Variants in TDP1 observed in about 807,000 individuals in gnomAD.
TDP1 encodes tyr-DNA phosphodiesterase 1.
TDP1 carries 64 observed loss-of-function variants against 81.5 expected under a neutral mutation model. That is an observed-to-expected ratio of 0.79 (90% CI 0.64 to 0.97). The LOEUF (loss-of-function observed/expected upper bound fraction) is 0.97, where lower values mean the gene tolerates loss of function less well. Among genes scored for constraint, TDP1 ranks in the 50% least tolerant of loss-of-function variants. The pLI is 0.00. For missense variants in TDP1, 723 were observed against 743.8 expected (o/e 0.97, Z 0.33); for synonymous variants, 256 against 264.3 (o/e 0.97, Z 0.30).
rs746699387 is a variant in TDP1, at chr14:90,012,836, A to AG, written c.1542-6474dup. Among the ~76,000 whole-genome samples, 12 of 152,128 alleles carry AG rather than the reference A, an allele frequency of 7.9e-5. No individual in the cohort carries two copies. The East Asian group carries it at 2.3e-3, about 30-fold the overall frequency. On this transcript the variant is annotated intron_variant, in intron 14 of 16. Transcript: ENST00000335725. ...TGCCGGCCCCTGAAAGCAGCCAAGAAGGGGGGCTATGCCCTGCAAAGCTAC... is the reference window on the plus strand; with the variant it reads ...TGCCGGCCCCTGAAAGCAGCCAAGAAGGGGGGGCTATGCCCTGCAAAGCTAC...
chr14:90,040,303 G>T (rs746345271), intron 16 of TDP1, among the ~76,000 whole-genome samples: 12 of 152,170 alleles, frequency 7.9e-5, no homozygotes, highest in Middle Eastern at 3.4e-3. Flanking sequence ...TCCCATCCCC[G>T]TAGCCTTGAA....
chr14:90,017,878 G>A (rs576244701), intron 14 of TDP1, among the ~76,000 whole-genome samples: 18 of 152,270 alleles, frequency 1.2e-4, no homozygotes, highest in Non-Finnish European at 4.4e-5. Flanking sequence ...TCTCAACGAC[G>A]TTATAGACAG....
At chr14:89,960,553 A>G (rs906115711) in intron 2 of TDP1, among the ~76,000 whole-genome samples, 1 of 152,252 alleles carries the variant, frequency 6.6e-6, no homozygotes, top group East Asian at 1.9e-4. Flanking sequence ...AGAAACTTTT[A>G]GAAAGCAGAT....
chr14:89,971,164 T>C lies in TDP1; in HGVS notation c.660-11T>C. On this transcript the variant is annotated splice_polypyrimidine_tract_variant and intron_variant, in intron 5 of 16. Coordinates refer to ENST00000335725, the MANE Select transcript of TDP1 (RefSeq NM_018319.4). ...AATGATGTATATTAAATACTAATGC[T>C]CTCTTTTTAGGAAGAAGCCAATCCT... is the stretch of plus-strand genomic sequence containing the variant. 1 of 1,610,724 alleles carries C rather than the reference T, an allele frequency of 6.2e-7. No homozygotes were observed.
intron 3 of TDP1, among the ~76,000 whole-genome samples, chr14:89,965,407 T>C (rs1377021296): frequency 6.6e-6 from 1 of 152,000 alleles, no homozygotes; most frequent in Non-Finnish European, 1.5e-5. Context: ...CGATATAAAA[T>C]AGAAATAACA....
At chr14:89,982,291 T>C (rs1223653013) in intron 8 of TDP1, among the ~76,000 whole-genome samples, 2 of 152,216 alleles carry the variant, frequency 1.3e-5, no homozygotes, top group East Asian at 1.9e-4. Flanking sequence ...GGATAGCTGC[T>C]TGGTCTCTAA....
At chr14:89,988,530 T>C in intron 10 of TDP1, 4 of 922,842 alleles carry the variant, frequency 4.3e-6, no homozygotes, top group Non-Finnish European at 5.2e-6. Flanking sequence ...AATACATATT[T>C]CATAGCATCA....
At chr14:89,961,762 G>T (rs1892353256) in intron 2 of TDP1, among the ~76,000 whole-genome samples, 1 of 152,146 alleles carries the variant, frequency 6.6e-6, no homozygotes, top group African/African-American at 2.4e-5. Flanking sequence ...ATCTTTTGAT[G>T]TAGAATAATG....
At chr14:90,009,227 G>A (rs1248268035) in intron 14 of TDP1, among the ~76,000 whole-genome samples, 2 of 152,270 alleles carry the variant, frequency 1.3e-5, no homozygotes, top group East Asian at 3.9e-4. Flanking sequence ...AGATTTTGTT[G>A]CTGCTGGTCT....
At chr14:90,015,463 G>A (rs1020947135) in intron 14 of TDP1, among the ~76,000 whole-genome samples, 20 of 152,206 alleles carry the variant, frequency 1.3e-4, no homozygotes, top group African/African-American at 4.6e-4. Context: ...CTCCTTGTAG[G>A]CAAGGGGACA....
chr14:89,966,086 T>A (rs1892910802), intron 3 of TDP1, 61 bp from the exon 4 acceptor site: 1 of 1,160,286 alleles, frequency 8.6e-7, no homozygotes. Context: ...GAGTTAGTAG[T>A]GATTATTATG....
At chr14:90,002,742 G>A (rs1897289814) in intron 14 of TDP1, among the ~76,000 whole-genome samples, 2 of 151,016 alleles carry the variant, frequency 1.3e-5, no homozygotes, top group Admixed American at 1.3e-4. Flanking sequence ...GCTTGGTGGT[G>A]TGCGCCTGCA....
At chr14:90,010,575 CGA>C (rs140217123) in intron 14 of TDP1, among the ~76,000 whole-genome samples, 4,694 of 151,964 alleles carry the variant, frequency 0.031, 110 homozygotes, top group African/African-American at 0.067. Flanking sequence ...AGGGACAAGT[CGA>C]GAGAGAGAGC....
rs1310237457 is a variant in TDP1 at position 89,984,560 on chromosome 14, A to G, written c.929A>G (p.His310Arg). 2 of 1,614,048 alleles carry G rather than the reference A, an allele frequency of 1.2e-6. No homozygotes were observed. Among genetic ancestry groups the G allele is most frequent in the Non-Finnish European group, 1.7e-6 (2 of 1,180,036 alleles). ...PLYPRIADGT[H>R]KSGESPTHFK... Reference sequence around the variant, plus strand: ...TACCCACGAATTGCTGATGGAACCCACAAATCTGGAGAGTCGCCAACACAT... The same window carrying G: ...TACCCACGAATTGCTGATGGAACCCGCAAATCTGGAGAGTCGCCAACACAT... Residue 310 changes from histidine to arginine, a missense_variant, in exon 9 of 17, where the codon CAC becomes CGC. By Grantham distance (29) the His-to-Arg change is conservative. Coordinates refer to ENST00000335725, the MANE Select transcript of TDP1 (RefSeq NM_018319.4).
chr14:90,038,039 A>G (rs1274767197), intron 16 of TDP1, among the ~76,000 whole-genome samples: 1 of 152,216 alleles, frequency 6.6e-6, no homozygotes, highest in African/African-American at 2.4e-5. Flanking sequence ...CAAGAATACC[A>G]AAGAAGTAAT....
intron 12 of TDP1, among the ~76,000 whole-genome samples, chr14:89,990,003 A>G (rs1243081219): frequency 6.6e-6 from 1 of 152,154 alleles, no homozygotes; most frequent in East Asian, 1.9e-4. Context: ...CAGTAAGGTA[A>G]CCAGCAGGTT....
chr14:90,030,418 C>T (rs1405752173), intron 15 of TDP1, among the ~76,000 whole-genome samples: 2 of 152,338 alleles, frequency 1.3e-5, no homozygotes, highest in East Asian at 3.9e-4. Context: ...CAAAGCCTTT[C>T]CTTATCCTTC....
At chr14:89,998,436 G>GTA (rs1555390663) in intron 14 of TDP1, among the ~76,000 whole-genome samples, 86 of 106,328 alleles carry the variant, frequency 8.1e-4, no homozygotes, top group African/African-American at 3.8e-3. Context: ...ATGTATGTAT[G>GTA]TATGTATATG....
At chr14:89,989,384 G>C (rs1009585995) in intron 11 of TDP1, 1 of 985,128 alleles carries the variant, frequency 1.0e-6, no homozygotes, top group Non-Finnish European at 1.2e-6. Context: ...TTGAACCAAG[G>C]TAGAAAATAT....
Sources: gnomAD v4.1 joint callset for allele counts (sites outside exome capture counted in the v4.1 genomes callset) on GRCh38, gnomAD v4.1.1 for gene constraint, MANE v1.5 for transcripts, NCBI Gene and HGNC (gene_info 2026-07-23, HGNC 2026-07-21) for gene names.